The following PCDH15 variants were observed in gnomAD, a reference collection of about 807,000 sequenced individuals.
PCDH15 encodes the protein protocadherin related 15.
Under a neutral mutation model 178.5 loss-of-function variants are expected in PCDH15, and 129 were observed. The observed-to-expected ratio is 0.72, with a 90% confidence interval of 0.63 to 0.84. The LOEUF (loss-of-function observed/expected upper bound fraction) is 0.84, where lower values mean the gene tolerates loss of function less well. Among genes scored for constraint, PCDH15 ranks in the 40% least tolerant of loss-of-function variants. PCDH15 has a pLI of 0.00. For synonymous variants in PCDH15, 800 were observed against 732.0 expected, an observed-to-expected ratio of 1.09 and a Z score of -1.50; for missense variants, 2,230 against 2,099.9, an observed-to-expected ratio of 1.06 and a Z score of -1.21.
At chr10:53,905,617 A>T (rs1368518702) in intron 25 of PCDH15, among the ~76,000 whole-genome samples, 1 of 152,122 alleles carries the variant, frequency 6.6e-6, no homozygotes, top group Admixed American at 6.5e-5. Flanking sequence ...GATTACAGGC[A>T]TGAGCCACCA....
At chr10:55,289,760 T>C (rs1240488515) in intron 1 of PCDH15, among the ~76,000 whole-genome samples, 31 of 152,094 alleles carry the variant, frequency 2.0e-4, no homozygotes, top group Admixed American at 2.0e-3. Context: ...ATCACTATTG[T>C]AACAATATTA....
At chr10:55,547,922 A>T (rs1267324885) in intron 2 of PCDH15, among the ~76,000 whole-genome samples, 59 of 144,912 alleles carry the variant, frequency 4.1e-4, no homozygotes, top group East Asian at 1.3e-3. Context: ...AGAGAGAGAG[A>T]GAGAGAGAGA....
At chr10:54,033,477 C>T (rs1351640202) in intron 18 of PCDH15, among the ~76,000 whole-genome samples, 1 of 151,904 alleles carries the variant, frequency 6.6e-6, no homozygotes, top group South Asian at 2.1e-4. Flanking sequence ...CTGTAACTTC[C>T]TTATATACCA....
chr10:54,183,126 C>CCT lies in PCDH15; in HGVS notation c.1590+317_1590+318insAG, dbSNP rs2048152936. On this transcript the variant is annotated intron_variant, in intron 13 of 37. Coordinates refer to ENST00000644397, the MANE Select transcript of PCDH15 (RefSeq NM_001384140.1). ...CCTCCTGAGTAGCTGGGATTACAGGCATGCGCCACCATACCCGGCTAATTT... is the reference window on the plus strand; with the variant it reads ...CCTCCTGAGTAGCTGGGATTACAGGCCTATGCGCCACCATACCCGGCTAATTT... Among the ~76,000 whole-genome samples the CCT allele has an allele frequency of 2.0e-5, 3 of 152,026 alleles. No homozygotes were observed. The South Asian group carries it at 6.2e-4, about 32-fold the overall frequency.
chr10:54,599,045 T>C (rs950738703), intron 2 of PCDH15, among the ~76,000 whole-genome samples: 2 of 152,122 alleles, frequency 1.3e-5, no homozygotes, highest in Non-Finnish European at 2.9e-5. Flanking sequence ...AAAATGACCA[T>C]ATTGCCCAAA....
intron 26 of PCDH15, among the ~76,000 whole-genome samples, chr10:53,878,511 C>T (rs7902925): frequency 0.68 from 91,558 of 135,530 alleles, 29,805 homozygotes; most frequent in Middle Eastern, 0.81. Context: ...TATATATATA[C>T]GTGTGTGTGT....
chr10:55,289,200 A>G (rs1420281115), intron 1 of PCDH15, among the ~76,000 whole-genome samples: 1 of 152,046 alleles, frequency 6.6e-6, no homozygotes, highest in Non-Finnish European at 1.5e-5. Flanking sequence ...GTGAGTCACT[A>G]AAGAAAAACC....
chr10:54,090,979 T>G (rs897426338), intron 15 of PCDH15, among the ~76,000 whole-genome samples: 1 of 152,158 alleles, frequency 6.6e-6, no homozygotes, highest in Non-Finnish European at 1.5e-5. Flanking sequence ...AATATTAACC[T>G]TTTTGTTGGT....
chr10:54,575,204 G>A (rs2090333241), intron 2 of PCDH15: 1 of 149,232 alleles, frequency 6.7e-6, no homozygotes, highest in African/African-American at 2.5e-5. Context: ...AATGCTAGAT[G>A]ACGAGTTAGT....
intron 2 of PCDH15, among the ~76,000 whole-genome samples, chr10:55,488,109 A>T (rs1442593808): frequency 6.6e-6 from 1 of 151,620 alleles, no homozygotes; most frequent in African/African-American, 2.4e-5. Flanking sequence ...ATTTATGCTT[A>T]GATTTTAAAT....
chr10:54,667,330 G>T (rs749433385), intron 1 of PCDH15, among the ~76,000 whole-genome samples: 1 of 151,936 alleles, frequency 6.6e-6, no homozygotes, highest in Non-Finnish European at 1.5e-5. Context: ...TTGACTTAGT[G>T]AGAAAACCCA....
chr10:55,257,318 C>G (rs1842025051), intron 1 of PCDH15, among the ~76,000 whole-genome samples: 1 of 152,272 alleles, frequency 6.6e-6, no homozygotes, highest in South Asian at 2.1e-4. Flanking sequence ...CAGAGTGCCT[C>G]TCCTCCTCCA....
intron 14 of PCDH15, among the ~76,000 whole-genome samples, chr10:54,138,429 G>A (rs1192902865): frequency 1.3e-5 from 2 of 152,138 alleles, no homozygotes; most frequent in African/African-American, 4.8e-5. Flanking sequence ...TATTGTTTCA[G>A]CAGTAGGATT....
intron 1 of PCDH15, among the ~76,000 whole-genome samples, chr10:54,672,470 T>C (rs1320069308): frequency 6.6e-6 from 1 of 152,102 alleles, no homozygotes; most frequent in Non-Finnish European, 1.5e-5. Flanking sequence ...GATTCAGTCT[T>C]AGCACATTGG....
chr10:53,995,851 A>G (rs145665553), intron 20 of PCDH15, 86 bp from the exon 21 acceptor site: 353 of 1,190,076 alleles, frequency 3.0e-4, no homozygotes, highest in African/African-American at 1.9e-3. Context: ...TCTTCATATC[A>G]CACAACTTAT....
intron 10 of PCDH15, among the ~76,000 whole-genome samples, chr10:54,204,551 T>C (rs997703911): frequency 2.6e-5 from 4 of 152,026 alleles, no homozygotes; most frequent in Non-Finnish European, 5.9e-5. Context: ...TTCATCAAGA[T>C]ATACACTTTC....
At chr10:55,012,259 A>G (rs1474417222) in intron 2 of PCDH15, among the ~76,000 whole-genome samples, 1 of 152,126 alleles carries the variant, frequency 6.6e-6, no homozygotes, top group East Asian at 1.9e-4. Flanking sequence ...GTGGTCATTT[A>G]AGAACTCAGT....
intron 6 of PCDH15, among the ~76,000 whole-genome samples, chr10:54,332,067 A>G (rs938934234): frequency 6.6e-6 from 1 of 150,828 alleles, no homozygotes; most frequent in African/African-American, 2.4e-5. Flanking sequence ...ACGGAGAAAT[A>G]GCTAACATGC....
At chr10:54,828,584 A>G (rs1289360317) in intron 3 of PCDH15, among the ~76,000 whole-genome samples, 1 of 151,936 alleles carries the variant, frequency 6.6e-6, no homozygotes, top group Non-Finnish European at 1.5e-5. Flanking sequence ...CTATCCTCTT[A>G]ATTTGTTTAA....
Sources: gnomAD v4.1 joint callset for allele counts (sites outside exome capture counted in the v4.1 genomes callset) on GRCh38, gnomAD v4.1.1 for gene constraint, MANE v1.5 for transcripts, NCBI Gene and HGNC (gene_info 2026-07-23, HGNC 2026-07-21) for gene names.